Variants in SDF2L1 observed in about 807,000 individuals in gnomAD.
SDF2L1 encodes stromal cell derived factor 2 like 1, also known as stromal cell-derived factor 2-like protein 1.
In SDF2L1, 18 loss-of-function variants were observed where a neutral mutation model predicts 19.4. That is an observed-to-expected ratio of 0.93 (90% CI 0.64 to 1.38). SDF2L1 has a LOEUF of 1.38. SDF2L1 is among the 40% of genes most tolerant of loss of function. The pLI is 0.00. For synonymous variants in SDF2L1, 161 were observed against 148.9 expected (o/e 1.08, Z -0.59); for missense variants, 263 against 319.4 (o/e 0.82, Z 1.35).
chr22:21,643,250 G>A lies in SDF2L1; in HGVS notation c.384+192G>A, dbSNP rs567921203. 66 of 670,630 alleles carry A rather than the reference G, an allele frequency of 9.8e-5. 2 individuals carry two copies. The South Asian group carries it at 1.2e-3, about 13-fold the overall frequency. 41.5% of individuals were successfully genotyped at this position (670,630 alleles called of 1,614,324 possible). ...TCCTGCCCTCAGGTGCTCCCGGCCC[G>A]GCAGGGAGAACGACGGGAGAGAGAT... is the stretch of plus-strand genomic sequence containing the variant. On this transcript the variant is annotated intron_variant, in intron 2 of 2. Transcript: ENST00000248958.
intron 2 of SDF2L1, 144 bp from the exon 3 acceptor site, chr22:21,643,750 G>A: frequency 1.4e-6 from 1 of 728,700 alleles, no homozygotes; most frequent in Non-Finnish European, 2.2e-6. Context: ...GCTAGAGGTT[G>A]CGGGGGCGGG....
Position 21,643,022 on chromosome 22 carries a change from C to T in SDF2L1, c.348C>T (p.His116=). ...LTHVLTGKNL[H]THHFPSPLSN... is the part of the protein sequence containing the mutation. ...ATGTGCTTACGGGCAAGAACCTGCA[C>T]ACGCACCACTTCCCGTCGCCGCTGT... Residue 116 remains histidine, a synonymous_variant, in exon 2 of 3, where the codon CAC becomes CAT. Coordinates refer to ENST00000248958, the MANE Select transcript of SDF2L1 (RefSeq NM_022044.3). The T allele has an allele frequency of 6.4e-7, 1 of 1,560,736 alleles. No homozygotes were observed. Among genetic ancestry groups the T allele is most frequent in the South Asian group, 1.2e-5 (1 of 84,944 alleles).
intron 2 of SDF2L1, chr22:21,643,438 AAG>A (rs2066096777): frequency 2.3e-6 from 1 of 436,126 alleles, no homozygotes; most frequent in East Asian, 4.6e-5. Flanking sequence ...ACAAAGGGGA[AAG>A]AGAGACTTCC....
rs2066096118 is a variant in SDF2L1 at position 21,643,327 on chromosome 22, G to A, written c.384+269G>A. 1.6e-5 allele frequency: 9 copies of A among 564,146 alleles called. No individual in the cohort carries two copies. The South Asian group carries it at 1.7e-4, about 11-fold the overall frequency. 34.9% of individuals were successfully genotyped at this position (564,146 alleles called of 1,614,324 possible). A position where few individuals can be genotyped will look rare whatever the true frequency, so the allele number is the denominator to read the frequency against. The stretch of plus-strand genomic sequence containing the variant: ...TCCTCTGGTGGCAAGTGGGACCCAG[G>A]AGGGGAATCCACACAGCCTTGAGGG... On this transcript the variant is annotated intron_variant, in intron 2 of 2. Transcript: ENST00000248958.
Position 21,644,091 on chromosome 22 carries a change from C to T in SDF2L1, c.582C>T (p.Ala194=), listed in dbSNP as rs773829037. The change falls in exon 3 of 3, where the codon GCC becomes GCT. Residue 194 remains alanine, a synonymous_variant. Transcript: ENST00000248958. ...ATGAGGTCCACGGCATGCCCAGTGCCAACACGCACAATACGTGGAAGGCCA... is the reference window on the plus strand; with the variant it reads ...ATGAGGTCCACGGCATGCCCAGTGCTAACACGCACAATACGTGGAAGGCCA... The part of the protein sequence containing the change: ...GQHEVHGMPS[A]NTHNTWKAME... The T allele has an allele frequency of 1.1e-5, 17 of 1,614,002 alleles. No homozygotes were observed. Among genetic ancestry groups the T allele is most frequent in the Non-Finnish European group, 1.4e-5 (17 of 1,180,038 alleles).
At chr22:21,643,804 A>G (rs1239507749) in intron 2 of SDF2L1, 90 bp from the exon 3 acceptor site, 1 of 1,339,042 alleles carries the variant, frequency 7.5e-7, no homozygotes, top group East Asian at 2.5e-5. Context: ...AGGCTCCAGG[A>G]AGGGTAGGGA....
chr22:21,644,114 C>G lies in SDF2L1; in HGVS notation c.605C>G (p.Ala202Gly). The change falls in exon 3 of 3, where the codon GCC becomes GGC. Residue 202 changes from alanine (A) to glycine (G), a missense_variant. Around this residue, in one of 3 missense-constraint regions of SDF2L1, gnomAD observed 203 missense variants for 256.9 expected, o/e 0.79. Transcript: ENST00000248958. ...GCCAACACGCACAATACGTGGAAGG[C>G]CATGGAAGGCATCTTCATCAAGCCT... is the stretch of plus-strand genomic sequence containing the variant. ...PSANTHNTWKAMEGIFIKPSV... is the reference protein window; with the variant it reads ...PSANTHNTWKGMEGIFIKPSV... The G allele has an allele frequency of 6.2e-7, 1 of 1,614,166 alleles. No homozygotes were observed. The highest frequency in any genetic ancestry group is 8.5e-7 in the Non-Finnish European group (1 of 1,180,038).
In SDF2L1 at chr22:21,642,332, G is replaced by GGGCGATGTGGAGCGCGGGCCGC; in HGVS notation, c.1_22dup. On this transcript the variant is annotated 5_prime_UTR_variant, in exon 1 of 3. It adds an upstream start codon to the 5' untranslated region. Transcript: ENST00000248958. ...GGCCCGAGGGGCTGGAGCCGGGCCG[G>GGGCGATGTGGAGCGCGGGCCGC]GGCGATGTGGAGCGCGGGCCGCGGC... is the stretch of plus-strand genomic sequence containing the variant. The GGGCGATGTGGAGCGCGGGCCGC allele has an allele frequency of 3.7e-6, 5 of 1,365,488 alleles. No homozygotes were observed. The highest frequency in any genetic ancestry group is 3.1e-5 in the East Asian group (1 of 32,260). 84.6% of individuals were successfully genotyped at this position (1,365,488 alleles called of 1,614,324 possible).
chr22:21,643,885 C>A lies in SDF2L1; in HGVS notation c.385-9C>A. 1.9e-6 allele frequency: 3 copies of A among 1,608,116 alleles called. No homozygotes were observed. The highest frequency in any genetic ancestry group is 2.6e-6 in the Non-Finnish European group (3 of 1,176,014). ...GTGACCACTGTCTTCTCATCCTTTG[C>A]ACCTATAGGAGGTGAGTGCCTTTGG... On this transcript the variant is annotated splice_polypyrimidine_tract_variant and intron_variant, in intron 2 of 2. Transcript: ENST00000248958.
At chr22:21,643,172 C>A in intron 2 of SDF2L1, 114 bp downstream of exon 2, 2 of 1,303,638 alleles carry the variant, frequency 1.5e-6, no homozygotes, top group Non-Finnish European at 2.1e-6. Flanking sequence ...AATTTCACTT[C>A]AGAGATGGTT....
intron 2 of SDF2L1, 172 bp downstream of exon 2, chr22:21,643,230 C>T (rs1050355151): frequency 1.3e-6 from 1 of 768,756 alleles, no homozygotes; most frequent in South Asian, 1.9e-5. Flanking sequence ...CAGGATCCTG[C>T]CCTCAGGTGC....
chr22:21,642,782 G>T (rs1198871921), intron 1 of SDF2L1, 80 bp from the exon 2 acceptor site: 5 of 1,498,118 alleles, frequency 3.3e-6, no homozygotes, highest in Non-Finnish European at 1.8e-6. Flanking sequence ...GGTCCCCTGG[G>T]ACATGTTCTG....
intron 2 of SDF2L1, 75 bp from the exon 3 acceptor site, chr22:21,643,819 C>A: frequency 6.9e-7 from 1 of 1,454,660 alleles, no homozygotes; most frequent in Non-Finnish European, 9.3e-7. Flanking sequence ...TAGGGAAGAA[C>A]CCGAGGCTCG....
chr22:21,642,319 T>G lies in SDF2L1; in HGVS notation c.-18T>G. ...GAAGCGGCCCCTGGGCCCGAGGGGC[T>G]GGAGCCGGGCCGGGGCGATGTGGAG... On this transcript the variant is annotated 5_prime_UTR_variant, in exon 1 of 3. Coordinates refer to ENST00000248958, the MANE Select transcript of SDF2L1 (RefSeq NM_022044.3). The G allele has an allele frequency of 7.5e-7, 1 of 1,337,650 alleles. No individual in the cohort carries two copies. The highest frequency in any genetic ancestry group is 9.5e-7 in the Non-Finnish European group (1 of 1,051,860). 82.9% of individuals were successfully genotyped at this position (1,337,650 alleles called of 1,614,324 possible).
intron 2 of SDF2L1, among the ~76,000 whole-genome samples, chr22:21,643,668 A>G (rs901800520): frequency 6.6e-6 from 1 of 152,038 alleles, no homozygotes; most frequent in Non-Finnish European, 1.5e-5. Context: ...CTCCGTGGGG[A>G]CCAGTGGTCT....
rs751957822 is a variant in SDF2L1 at position 21,643,941 on chromosome 22, A to C, written c.432A>C (p.Leu144=). The part of the protein sequence containing the change: ...GEDGEGDDLD[L]WTVRCSGQHW... ...ACGGCGAGGGCGACGACCTGGACCT[A>C]TGGACAGTGCGCTGCTCTGGACAGC... The change falls in exon 3 of 3, where the codon CTA becomes CTC. Residue 144 remains leucine (L), a synonymous_variant. Coordinates refer to ENST00000248958, the MANE Select transcript of SDF2L1 (RefSeq NM_022044.3). The C allele has an allele frequency of 5.0e-6, 8 of 1,613,928 alleles. No homozygotes were observed. Among genetic ancestry groups the C allele is most frequent in the Non-Finnish European group, 6.8e-6 (8 of 1,180,016 alleles).
chr22:21,644,262 C>T lies in SDF2L1; in HGVS notation c.*87C>T. 7.2e-7 allele frequency: 1 copy of T among 1,391,722 alleles called. No homozygotes were observed. Among genetic ancestry groups the T allele is most frequent in the South Asian group, 1.3e-5 (1 of 79,930 alleles). 86.2% of individuals were successfully genotyped at this position (1,391,722 alleles called of 1,614,324 possible). ...CAGAGACTTTGGGTTTGTAGGGGTCCTCAAGTGCCTTTGTGATTAAAGAAT... is the reference window on the plus strand; with the variant it reads ...CAGAGACTTTGGGTTTGTAGGGGTCTTCAAGTGCCTTTGTGATTAAAGAAT... On this transcript the variant is annotated 3_prime_UTR_variant, in exon 3 of 3. Transcript: ENST00000248958.
intron 2 of SDF2L1, chr22:21,643,420 T>C (rs1260991495): frequency 6.7e-6 from 3 of 447,504 alleles, no homozygotes. Context: ...TTAGGAGTCC[T>C]ACAAGCCACA....
In SDF2L1 at chr22:21,642,611, G is replaced by A. The variant is rs2066087752; in HGVS notation, c.187+88G>A. On this transcript the variant is annotated intron_variant, in intron 1 of 2. Transcript: ENST00000248958. The stretch of plus-strand genomic sequence containing the variant: ...ACAGGGTGGTCATGGGGGTCTGTGG[G>A]CCGTCTGGAAGCCGGGCGGCGGGGG... 26 of 1,444,478 alleles carry A rather than the reference G, an allele frequency of 1.8e-5. No individual in the cohort carries two copies. In the South Asian group the frequency reaches 3.2e-4, roughly 18 times the overall value. The allele number at this position is 1,444,478 out of a possible 1,614,324, so 89.5% of individuals were successfully genotyped here.
Sources: allele counts gnomAD v4.1 joint callset (sites outside exome capture counted in the v4.1 genomes callset), GRCh38; gene constraint gnomAD v4.1.1; regional missense constraint gnomAD v4.1.1; transcripts MANE v1.5; gene names NCBI Gene and HGNC (gene_info 2026-07-23, HGNC 2026-07-21).